IL31RA: variants seen among roughly 807,000 people sequenced by gnomAD.
IL31RA encodes the protein interleukin-31 receptor subunit alpha.
A neutral mutation model predicts 83.7 loss-of-function variants in IL31RA; 66 were observed. That is an observed-to-expected ratio of 0.79 (90% confidence interval 0.65 to 0.97). IL31RA has a LOEUF of 0.97. Among genes scored for constraint, IL31RA ranks in the 50% least tolerant of loss-of-function variants. The pLI, the probability that IL31RA is intolerant of heterozygous loss-of-function variation, is 0.00. For synonymous variants in IL31RA, 325 were observed against 329.0 expected (o/e 0.99, Z 0.13); for missense variants, 798 against 919.4 (o/e 0.87, Z 1.71).
the IL31RA span, among the ~76,000 whole-genome samples, chr5:55,841,147 C>T: frequency 5.3e-5 from 8 of 152,164 alleles, no homozygotes; most frequent in African/African-American, 1.9e-4. Context: ...CTTTATCATT[C>T]TCTCTCCTGA....
intron 14 of IL31RA, among the ~76,000 whole-genome samples, chr5:55,916,153 G>C (rs980964446): frequency 6.6e-6 from 1 of 152,184 alleles, no homozygotes; most frequent in Non-Finnish European, 1.5e-5. Flanking sequence ...GCCAAGGCAG[G>C]GGGGATTGCT....
the IL31RA span, chr5:55,839,930 T>C: frequency 1.5e-6 from 1 of 679,186 alleles, no homozygotes; most frequent in South Asian, 1.6e-5. Context: ...AATTTTGCAG[T>C]CAGAAGAAAC....
chr5:55,872,611 G>A (rs1348389252), intron 4 of IL31RA, among the ~76,000 whole-genome samples, 160 bp downstream of exon 4: 2 of 132,250 alleles, frequency 1.5e-5, no homozygotes, highest in African/African-American at 5.5e-5. Context: ...GAAAGGAAGT[G>A]GGGGAAGGAG....
rs1288274685 is a variant in IL31RA, at chr5:55,921,260, G to A, written c.*4140G>A. ...TTAATTAACTCCTAACATGATCTGTGTGCACCTGTACACATTTTTCAGCTA... is the reference window on the plus strand; with the variant it reads ...TTAATTAACTCCTAACATGATCTGTATGCACCTGTACACATTTTTCAGCTA... On this transcript the variant is annotated 3_prime_UTR_variant, in exon 15 of 15. Coordinates refer to ENST00000652347, the MANE Select transcript of IL31RA (RefSeq NM_139017.7). 2.0e-5 allele frequency among the ~76,000 whole-genome samples: 3 copies of A among 152,152 alleles called. No individual in the cohort carries two copies. The highest frequency in any genetic ancestry group is 1.5e-5 in the Non-Finnish European group (1 of 68,028).
chr5:55,846,398 T>C (rs1212976861), upstream of IL31RA, among the ~76,000 whole-genome samples: 3 of 152,208 alleles, frequency 2.0e-5, no homozygotes, highest in Non-Finnish European at 4.4e-5. Flanking sequence ...ATTGACCCCA[T>C]AATATTTCTG....
intron 2 of IL31RA, among the ~76,000 whole-genome samples, chr5:55,866,403 A>G (rs1017196670): frequency 6.6e-6 from 1 of 151,726 alleles, no homozygotes; most frequent in Non-Finnish European, 1.5e-5. Context: ...TCAGGATGAA[A>G]CCGTTCTACC....
At chr5:55,887,867 A>C (rs1295189044) in intron 5 of IL31RA, among the ~76,000 whole-genome samples, 1 of 151,204 alleles carries the variant, frequency 6.6e-6, no homozygotes, top group Non-Finnish European at 1.5e-5. Context: ...TGGGTGACAG[A>C]GCAAGACTCT....
intron 10 of IL31RA, 71 bp downstream of exon 10, chr5:55,907,531 A>G: frequency 1.0e-6 from 1 of 992,714 alleles, no homozygotes; most frequent in Non-Finnish European, 1.6e-6. Context: ...TAAGGCTGCA[A>G]GTGCCTGTAG....
intron 7 of IL31RA, among the ~76,000 whole-genome samples, chr5:55,898,037 G>A (rs866115958): frequency 3.3e-5 from 5 of 152,204 alleles, no homozygotes; most frequent in African/African-American, 7.2e-5. Context: ...TTGCGGAGGC[G>A]GTGCTGCCGC....
At chr5:55,871,300 A>G (rs995610828) in intron 3 of IL31RA, among the ~76,000 whole-genome samples, 1 of 152,170 alleles carries the variant, frequency 6.6e-6, no homozygotes, top group African/African-American at 2.4e-5. Flanking sequence ...TCTAGTTTCA[A>G]AATTCCATGA....
At chr5:55,860,438 T>C (rs947642429) in intron 2 of IL31RA, among the ~76,000 whole-genome samples, 8 of 151,982 alleles carry the variant, frequency 5.3e-5, no homozygotes, top group South Asian at 2.1e-4. Flanking sequence ...CACTCACCCA[T>C]TTTCAGATGG....
chr5:55,906,085 A>G, intron 8 of IL31RA, 21 bp from the exon 9 acceptor site: 1 of 1,613,224 alleles, frequency 6.2e-7, no homozygotes, highest in African/African-American at 1.3e-5. Flanking sequence ...GCTGTGAAGC[A>G]GTCCTTTTCT....
In IL31RA at chr5:55,916,956, AC is replaced by A; in HGVS notation, c.2134del (p.Arg712AlafsTer15). Reference protein sequence around the residue: ...QYLRSRMPEGTRPEAKEQLLF... With the variant: ...QYLRSRMPEGXRPEAKEQLLF... ...CCTACGTTCGAGGATGCCAGAGGGG[AC>A]CCGCCCAGAAGCCAAAGAGCAGCTT... On this transcript the variant is annotated frameshift_variant, in exon 15 of 15. Transcript: ENST00000652347. LOFTEE classifies it low-confidence loss of function (END_TRUNC). The A allele has an allele frequency of 6.2e-7, 1 of 1,613,802 alleles. No homozygotes were observed.
rs969608561 is a variant in IL31RA at position 55,917,908 on chromosome 5, A to T, written c.*788A>T. ...GGAGCAGAAAGGCACCTGACATTGC[A>T]GTGGTTGTCATATAGGGACGCTGGC... On this transcript the variant is annotated 3_prime_UTR_variant, in exon 15 of 15. Coordinates refer to ENST00000652347, the MANE Select transcript of IL31RA (RefSeq NM_139017.7). Among the ~76,000 whole-genome samples the T allele has an allele frequency of 6.6e-6, 1 of 152,126 alleles. No individual in the cohort carries two copies. Among genetic ancestry groups the T allele is most frequent in the African/African-American group, 2.4e-5 (1 of 41,420 alleles).
chr5:55,882,963 T>C, intron 4 of IL31RA, 81 bp from the exon 5 acceptor site: 1 of 1,347,528 alleles, frequency 7.4e-7, no homozygotes, highest in Non-Finnish European at 1.1e-6. Flanking sequence ...CACGTATCAT[T>C]TTTTTTCAAT....
chr5:55,840,949 T>C, the IL31RA span, among the ~76,000 whole-genome samples: 1 of 152,214 alleles, frequency 6.6e-6, no homozygotes, highest in Non-Finnish European at 1.5e-5. Flanking sequence ...CCACCATCCT[T>C]GGCACATAGT....
chr5:55,872,362 T>A lies in IL31RA; in HGVS notation c.365T>A (p.Ile122Asn). The change falls in exon 4 of 15, where the codon ATC (isoleucine) becomes AAC (asparagine). Residue 122 changes from isoleucine to asparagine, a missense_variant. Ile to Asn is a moderately radical substitution (Grantham distance 149). Coordinates refer to ENST00000652347, the MANE Select transcript of IL31RA (RefSeq NM_139017.7). ...TCTTTTTTCCTTCCAAGAATAACGA[T>A]CCCAGATAATTATACCATTGAGGTG... ...SCSFFLPRIT[I>N]PDNYTIEVEA... The A allele has an allele frequency of 6.2e-7, 1 of 1,611,676 alleles. No homozygotes were observed. The highest frequency in any genetic ancestry group is 8.5e-7 in the Non-Finnish European group (1 of 1,177,924).
rs1749831788 is a variant in IL31RA, at chr5:55,917,029, G to A, written c.2204G>A (p.Gly735Glu). 1 of 1,614,196 alleles carries A rather than the reference G, an allele frequency of 6.2e-7. No homozygotes were observed. Among genetic ancestry groups the A allele is most frequent in the Admixed American group, 1.7e-5 (1 of 60,032 alleles). ...SLVPDHLCEE[G>E]APNPYLKNSV... is the part of the protein sequence containing the mutation. ...GTACCAGATCATCTGTGTGAGGAAG[G>A]AGCCCCAAATCCATATTTGAAAAAT... Residue 735 changes from glycine to glutamate, a missense_variant, in exon 15 of 15, where the codon GGA becomes GAA. Transcript: ENST00000652347.
At chr5:55,879,780 G>A (rs1317309065) in intron 4 of IL31RA, among the ~76,000 whole-genome samples, 1 of 149,200 alleles carries the variant, frequency 6.7e-6, no homozygotes, top group Non-Finnish European at 1.5e-5. Flanking sequence ...CAAGAACTTA[G>A]AGCTACCTAG....
Sources: allele counts gnomAD v4.1 joint callset (sites outside exome capture counted in the v4.1 genomes callset), GRCh38; gene constraint gnomAD v4.1.1; transcripts MANE v1.5; gene names NCBI Gene and HGNC (gene_info 2026-07-23, HGNC 2026-07-21).